Variants in PRKCA observed in about 807,000 individuals in gnomAD.
PRKCA encodes protein kinase C alpha type.
In PRKCA, 27 loss-of-function variants were observed where a neutral mutation model predicts 87.0. The ratio of observed to expected loss-of-function variants is 0.31; its 90% confidence interval spans 0.23 to 0.43. PRKCA has a LOEUF of 0.43. Among genes scored for constraint, PRKCA ranks in the 20% least tolerant of loss-of-function variants. PRKCA has a pLI of 1.00. For missense variants in PRKCA, 518 were observed against 852.3 expected, an observed-to-expected ratio of 0.61 and a Z score of 4.88; for synonymous variants, 329 against 311.1, an observed-to-expected ratio of 1.06 and a Z score of -0.61.
rs76822190 is a variant in PRKCA, at chr17:66,407,084, T to C, written c.206-89117T>C. Among the ~76,000 whole-genome samples the C allele has an allele frequency of 2.1e-4, 32 of 152,364 alleles. No individual in the cohort carries two copies. The East Asian group carries it at 6.0e-3, about 28-fold the overall frequency. On this transcript the variant is annotated intron_variant, in intron 2 of 16. Coordinates refer to ENST00000413366, the MANE Select transcript of PRKCA (RefSeq NM_002737.3). ...AGATTCAGAGCAACTAATATTTTGC[T>C]TGTTCAGTGGACACCTTGTTGAAGT...
chr17:66,423,801 C>G (rs1159216049), intron 2 of PRKCA, among the ~76,000 whole-genome samples: 1 of 144,964 alleles, frequency 6.9e-6, no homozygotes. Context: ...GGAGCGCTTC[C>G]CTGGAGCCGA....
chr17:66,465,376 A>G (rs1915039923), intron 2 of PRKCA, among the ~76,000 whole-genome samples: 1 of 151,642 alleles, frequency 6.6e-6, no homozygotes, highest in Non-Finnish European at 1.5e-5. Flanking sequence ...GTCAACTGAT[A>G]TGTTATAATT....
chr17:66,402,414 A>AT (rs368233389), intron 2 of PRKCA, among the ~76,000 whole-genome samples: 72,735 of 133,680 alleles, frequency 0.54, 20,606 homozygotes, highest in South Asian at 0.66. Context: ...AGGCCAAGAA[A>AT]TTTTTTTTTT....
chr17:66,777,923 A>G (rs1975098649), intron 14 of PRKCA: 1 of 984,308 alleles, frequency 1.0e-6, no homozygotes, highest in Non-Finnish European at 1.2e-6. Context: ...CTGGGATCTC[A>G]TTCACTAGGG....
At chr17:66,491,939 C>T (rs2144095049) in intron 2 of PRKCA, among the ~76,000 whole-genome samples, 1 of 152,368 alleles carries the variant, frequency 6.6e-6, no homozygotes, top group Non-Finnish European at 1.5e-5. Context: ...CTCCAAGCTC[C>T]TCTTTCCTGT....
At chr17:66,400,286 GGA>G (rs1910944747) in intron 2 of PRKCA, among the ~76,000 whole-genome samples, 1 of 152,116 alleles carries the variant, frequency 6.6e-6, no homozygotes, top group African/African-American at 2.4e-5. Flanking sequence ...TGAGTAGCTG[GGA>G]CTACAGGTGC....
At chr17:66,482,876 C>T in intron 2 of PRKCA, among the ~76,000 whole-genome samples, 1 of 152,188 alleles carries the variant, frequency 6.6e-6, no homozygotes, top group East Asian at 1.9e-4. Context: ...CTTCTATTTC[C>T]TAATTGTGAT....
chr17:66,730,996 T>C (rs1973871689), intron 8 of PRKCA, among the ~76,000 whole-genome samples: 1 of 151,970 alleles, frequency 6.6e-6, no homozygotes, highest in East Asian at 1.9e-4. Flanking sequence ...TTGACTGGAG[T>C]GAGTTCCTGG....
intron 2 of PRKCA, among the ~76,000 whole-genome samples, chr17:66,337,492 T>C (rs533510106): frequency 1.3e-5 from 2 of 152,194 alleles, no homozygotes; most frequent in African/African-American, 4.8e-5. Context: ...CAGGCTCAAG[T>C]GATCCTTGTG....
chr17:66,472,857 C>CT (rs149554922), intron 2 of PRKCA, among the ~76,000 whole-genome samples: 20,268 of 152,092 alleles, frequency 0.13, 1,469 homozygotes, highest in Middle Eastern at 0.21. Context: ...GAGACCATAG[C>CT]TTTTTTTGCC....
At chr17:66,772,548 G>A (rs923181435) in intron 13 of PRKCA, among the ~76,000 whole-genome samples, 1 of 152,104 alleles carries the variant, frequency 6.6e-6, no homozygotes, top group Non-Finnish European at 1.5e-5. Flanking sequence ...TAAGCGAAAT[G>A]GCAGAATGGT....
chr17:66,386,939 A>G (rs1910095700), intron 2 of PRKCA, among the ~76,000 whole-genome samples: 1 of 152,078 alleles, frequency 6.6e-6, no homozygotes, highest in Admixed American at 6.5e-5. Flanking sequence ...GTGCAGCCCT[A>G]CCATGGAAGA....
rs553126558 is a variant in PRKCA at position 66,413,745 on chromosome 17, G to A, written c.206-82456G>A. On this transcript the variant is annotated intron_variant, in intron 2 of 16. Coordinates refer to ENST00000413366, the MANE Select transcript of PRKCA (RefSeq NM_002737.3). ...ATTAAGTATCAGGGCTGGGTGTGGT[G>A]GTTCACGTCAGTAATCCCAGCATTT... Among the ~76,000 whole-genome samples, 5 of 152,282 alleles carry A rather than the reference G, an allele frequency of 3.3e-5. 1 individual carries two copies. The South Asian group carries it at 1.0e-3, about 32-fold the overall frequency.
At chr17:66,609,351 A>G (rs1265166553) in intron 3 of PRKCA, among the ~76,000 whole-genome samples, 1 of 152,226 alleles carries the variant, frequency 6.6e-6, no homozygotes, top group Non-Finnish European at 1.5e-5. Context: ...TAAATGAATG[A>G]ATGAATGAGC....
chr17:66,346,087 C>CT (rs1032043153), intron 2 of PRKCA, among the ~76,000 whole-genome samples: 23 of 145,358 alleles, frequency 1.6e-4, no homozygotes, highest in South Asian at 1.3e-3. Context: ...ATTGCGTTAT[C>CT]TTTTTTTGCT....
intron 2 of PRKCA, among the ~76,000 whole-genome samples, chr17:66,363,765 C>T (rs763374401): frequency 5.9e-5 from 9 of 152,128 alleles, no homozygotes; most frequent in East Asian, 1.9e-4. Flanking sequence ...TGCAGTGGCA[C>T]GATCTTGGCT....
At chr17:66,565,964 A>G (rs546576756) in intron 3 of PRKCA, among the ~76,000 whole-genome samples, 3 of 152,254 alleles carry the variant, frequency 2.0e-5, no homozygotes, top group South Asian at 4.2e-4. Flanking sequence ...TACCTGGCCT[A>G]TTAGAATTAA....
chr17:66,529,220 G>A lies in PRKCA; in HGVS notation c.288+32937G>A, dbSNP rs559315065. On this transcript the variant is annotated intron_variant, in intron 3 of 16. Coordinates refer to ENST00000413366, the MANE Select transcript of PRKCA (RefSeq NM_002737.3). Reference sequence around the variant, plus strand: ...TCACAAATTTTGTAAGATGACAATAGCATTCTGTAACATAGACATTATGGT... The same window carrying A: ...TCACAAATTTTGTAAGATGACAATAACATTCTGTAACATAGACATTATGGT... Among the ~76,000 whole-genome samples, 11 of 152,266 alleles carry A rather than the reference G, an allele frequency of 7.2e-5. No homozygotes were observed. The East Asian group carries it at 1.3e-3, about 19-fold the overall frequency.
chr17:66,576,621 C>A (rs1004782541), intron 3 of PRKCA, among the ~76,000 whole-genome samples: 6 of 152,120 alleles, frequency 3.9e-5, no homozygotes, highest in Admixed American at 6.5e-5. Flanking sequence ...AATTTGATAC[C>A]CATGTACGAC....
Sources: gnomAD v4.1 joint callset for allele counts (sites outside exome capture counted in the v4.1 genomes callset) on GRCh38, gnomAD v4.1.1 for gene constraint, MANE v1.5 for transcripts, NCBI Gene and HGNC (gene_info 2026-07-23, HGNC 2026-07-21) for gene names.